Variants in PRKCH observed in about 807,000 individuals in gnomAD.
PRKCH encodes protein kinase C eta type.
PRKCH carries 28 observed loss-of-function variants against 82.5 expected under a neutral mutation model. The observed-to-expected ratio is 0.34, with a 90% CI of 0.25 to 0.47. The LOEUF (loss-of-function observed/expected upper bound fraction) is 0.47. PRKCH is among the 20% of genes least tolerant of loss of function. The probability of loss-of-function intolerance (pLI) is 1.00; values close to 1 mark genes in which losing one functional copy is unlikely to be tolerated. For synonymous variants in PRKCH, 322 were observed against 327.4 expected (o/e 0.98, Z 0.18); for missense variants, 705 against 881.8 (o/e 0.80, Z 2.54).
chr14:61,418,029 C>G (rs1882649975), intron 2 of PRKCH, among the ~76,000 whole-genome samples: 1 of 152,140 alleles, frequency 6.6e-6, no homozygotes, highest in Non-Finnish European at 1.5e-5. Flanking sequence ...TTGAATTTCT[C>G]CACCCTGCAA....
chr14:61,480,886 C>T (rs1885940810), intron 9 of PRKCH, among the ~76,000 whole-genome samples: 1 of 152,194 alleles, frequency 6.6e-6, no homozygotes, highest in African/African-American at 2.4e-5. Context: ...TGACATCTTA[C>T]ACTTCAACTG....
chr14:61,465,818 T>C (rs1288233286), intron 9 of PRKCH, among the ~76,000 whole-genome samples: 2 of 152,226 alleles, frequency 1.3e-5, no homozygotes, highest in East Asian at 1.9e-4. Flanking sequence ...GATAATTTTA[T>C]GTTACGTAGT....
At chr14:61,423,323 A>G (rs189020980) in intron 2 of PRKCH, among the ~76,000 whole-genome samples, 1 of 152,234 alleles carries the variant, frequency 6.6e-6, no homozygotes, top group Non-Finnish European at 1.5e-5. Flanking sequence ...TGGAGGATCC[A>G]AAACTGTAAA....
intron 1 of PRKCH, among the ~76,000 whole-genome samples, chr14:61,276,747 G>C (rs2045206263): frequency 6.6e-6 from 1 of 152,152 alleles, no homozygotes; most frequent in Non-Finnish European, 1.5e-5. Context: ...GCAACTTAGA[G>C]AGTTACTCAA....
At chr14:61,537,233 G>A (rs1051065494) in intron 12 of PRKCH, among the ~76,000 whole-genome samples, 4 of 152,120 alleles carry the variant, frequency 2.6e-5, no homozygotes, top group African/African-American at 7.2e-5. Context: ...CCTGCGACTC[G>A]CAGAGAATGG....
intron 10 of PRKCH, among the ~76,000 whole-genome samples, chr14:61,515,566 G>A (rs891580434): frequency 2.0e-5 from 3 of 152,186 alleles, no homozygotes; most frequent in South Asian, 2.1e-4. Flanking sequence ...GTCAATAGAC[G>A]ACGGTGTTGT....
chr14:61,446,781 C>G (rs948206651), intron 4 of PRKCH, among the ~76,000 whole-genome samples: 1 of 152,242 alleles, frequency 6.6e-6, no homozygotes, highest in African/African-American at 2.4e-5. Flanking sequence ...GGAATATGCC[C>G]TGCAGTCCAT....
chr14:61,363,010 G>T (rs114859454), intron 1 of PRKCH, among the ~76,000 whole-genome samples: 2 of 152,236 alleles, frequency 1.3e-5, no homozygotes, highest in Non-Finnish European at 2.9e-5. Flanking sequence ...TGAACAATGG[G>T]TAGGACTTAG....
intron 10 of PRKCH, among the ~76,000 whole-genome samples, chr14:61,519,973 T>C (rs577247504): frequency 6.6e-6 from 1 of 152,140 alleles, no homozygotes; most frequent in Non-Finnish European, 1.5e-5. Context: ...CAACATTCCC[T>C]TGGAGCCTGG....
intron 2 of PRKCH, among the ~76,000 whole-genome samples, chr14:61,421,657 A>G (rs557170819): frequency 1.1e-4 from 16 of 152,246 alleles, no homozygotes; most frequent in African/African-American, 2.9e-4. Context: ...GAATGTGGCA[A>G]GCTCTTTTCT....
rs775295437 is a variant in PRKCH at position 61,443,156 on chromosome 14, G to A, written c.473G>A (p.Arg158His). 8 of 1,613,970 alleles carry A rather than the reference G, an allele frequency of 5.0e-6. No homozygotes were observed. The highest frequency in any genetic ancestry group is 1.7e-5 in the Admixed American group (1 of 60,004). Residue 158 changes from arginine to histidine, a missense_variant, in exon 3 of 14, where the codon CGC (arginine) becomes CAC (histidine). Arg to His is a conservative substitution (Grantham distance 29). This residue lies in a region of PRKCH where 246 missense variants were observed against 308.0 expected (regional missense o/e 0.80). Coordinates refer to ENST00000332981, the MANE Select transcript of PRKCH (RefSeq NM_006255.5). Reference protein sequence around the residue: ...DRIFKHFTRKRQRAMRRRVHQ... With the variant: ...DRIFKHFTRKHQRAMRRRVHQ... ...ATCTTCAAACATTTTACCAGGAAGCGCCAAAGGGCTATGCGAAGGCGAGTC... is the reference window on the plus strand; with the variant it reads ...ATCTTCAAACATTTTACCAGGAAGCACCAAAGGGCTATGCGAAGGCGAGTC...
At chr14:61,235,477 G>A (rs186672319) in intron 1 of PRKCH, among the ~76,000 whole-genome samples, 3 of 152,268 alleles carry the variant, frequency 2.0e-5, no homozygotes, top group Admixed American at 6.5e-5. Context: ...GCCCCTACCA[G>A]CGCTTGAGCT....
chr14:61,301,937 T>C lies in PRKCH; in HGVS notation c.-19+114269T>C, dbSNP rs577428986. On this transcript the variant is annotated intron_variant, in intron 1 of 3. Coordinates refer to the PRKCH transcript ENST00000555185. ...AAAAGTTTATGATATAGAATTTTTT[T>C]CATCATTCCCAAGAGTTCTCTCATG... Among the ~76,000 whole-genome samples, 3 of 152,374 alleles carry C rather than the reference T, an allele frequency of 2.0e-5. No homozygotes were observed. The South Asian group carries it at 6.2e-4, about 32-fold the overall frequency.
chr14:61,454,927 A>AC (rs1884690071), intron 7 of PRKCH, among the ~76,000 whole-genome samples: 2 of 152,192 alleles, frequency 1.3e-5, no homozygotes, highest in Non-Finnish European at 1.5e-5. Flanking sequence ...AGGGAAGTGC[A>AC]ATTACTGTGA....
intron 1 of PRKCH, among the ~76,000 whole-genome samples, chr14:61,212,070 C>T (rs1012366837): frequency 3.9e-5 from 6 of 152,194 alleles, no homozygotes; most frequent in South Asian, 4.1e-4. Context: ...CCCTTTCCTT[C>T]GTTTCAGACA....
intron 9 of PRKCH, among the ~76,000 whole-genome samples, chr14:61,460,788 T>C (rs1404570054): frequency 6.6e-6 from 1 of 152,190 alleles, no homozygotes; most frequent in African/African-American, 2.4e-5. Context: ...CTCTCTGTCA[T>C]TTGGATCATC....
At chr14:61,434,609 T>C (rs1372020657) in intron 2 of PRKCH, among the ~76,000 whole-genome samples, 1 of 152,208 alleles carries the variant, frequency 6.6e-6, no homozygotes, top group Non-Finnish European at 1.5e-5. Flanking sequence ...TTGCAATTGA[T>C]AGTAGGACAG....
chr14:61,429,118 C>T (rs1201181403), intron 2 of PRKCH, among the ~76,000 whole-genome samples: 2 of 152,192 alleles, frequency 1.3e-5, no homozygotes, highest in African/African-American at 4.8e-5. Flanking sequence ...GCATGAGTTT[C>T]TGTTGGTCTG....
At chr14:61,502,446 G>C in intron 10 of PRKCH, among the ~76,000 whole-genome samples, 1 of 152,188 alleles carries the variant, frequency 6.6e-6, no homozygotes, top group South Asian at 2.1e-4. Context: ...GAAAGTGCTG[G>C]TTTTTTCAGA....
Sources: gnomAD v4.1 joint callset for allele counts (sites outside exome capture counted in the v4.1 genomes callset) on GRCh38, gnomAD v4.1.1 for gene constraint, gnomAD v4.1.1 regional missense constraint, MANE v1.5 for transcripts, NCBI Gene and HGNC (gene_info 2026-07-23, HGNC 2026-07-21) for gene names.